BLK: variants seen among roughly 807,000 people sequenced by gnomAD.
BLK encodes tyrosine-protein kinase Blk.
Under a neutral mutation model 61.8 loss-of-function variants are expected in BLK, and 64 were observed. The ratio of observed to expected loss-of-function variants is 1.03; its 90% confidence interval spans 0.85 to 1.27. BLK has a LOEUF of 1.27. Ranked by LOEUF, BLK falls within the 50% of genes most tolerant of loss-of-function variation. BLK has a pLI of 0.00. For missense variants in BLK, 853 were observed against 660.5 expected, an observed-to-expected ratio of 1.29 and a Z score of -3.19; for synonymous variants, 351 against 272.0, an observed-to-expected ratio of 1.29 and a Z score of -2.86.
At chr8:11,511,039 G>C (rs1386953146) in intron 1 of BLK, among the ~76,000 whole-genome samples, 3 of 152,326 alleles carry the variant, frequency 2.0e-5, no homozygotes, top group African/African-American at 7.2e-5. Context: ...TTTGTGGTTA[G>C]TTAATTGTTC....
At chr8:11,507,721 G>A (rs1585326475) in intron 1 of BLK, among the ~76,000 whole-genome samples, 1 of 152,274 alleles carries the variant, frequency 6.6e-6, no homozygotes, top group East Asian at 1.9e-4. Context: ...CAGGCCTAGG[G>A]TGCAGATGAC....
chr8:11,495,250 G>A (rs530404346), intron 1 of BLK, among the ~76,000 whole-genome samples: 4 of 152,072 alleles, frequency 2.6e-5, no homozygotes, highest in Admixed American at 6.6e-5. Context: ...CTGGTAATGC[G>A]GGTGGATGAA....
At chr8:11,535,228 A>C (rs530883630) in intron 1 of BLK, among the ~76,000 whole-genome samples, 2 of 150,784 alleles carry the variant, frequency 1.3e-5, no homozygotes, top group African/African-American at 4.9e-5. Flanking sequence ...AGAGAAAGAA[A>C]GAAAAAGAAA....
intron 8 of BLK, chr8:11,556,316 CCAAGGAGTTAT>C: frequency 2.7e-6 from 1 of 373,448 alleles, no homozygotes; most frequent in Non-Finnish European, 5.2e-6. Flanking sequence ...CTTATTTCCA[CCAAGGAGTTAT>C]TGTGTGATAG....
intron 1 of BLK, among the ~76,000 whole-genome samples, chr8:11,529,887 C>A (rs992615360): frequency 6.6e-6 from 1 of 152,124 alleles, no homozygotes; most frequent in South Asian, 2.1e-4. Context: ...GTAGAACTGA[C>A]CTGAAGCCTC....
At chr8:11,539,696 G>A (rs1800288673) in intron 1 of BLK, among the ~76,000 whole-genome samples, 1 of 152,148 alleles carries the variant, frequency 6.6e-6, no homozygotes, top group Non-Finnish European at 1.5e-5. Context: ...CACACTCTGT[G>A]CCAGACATTG....
chr8:11,498,510 C>T (rs1280220476), intron 1 of BLK, among the ~76,000 whole-genome samples: 1 of 152,188 alleles, frequency 6.6e-6, no homozygotes, highest in African/African-American at 2.4e-5. Flanking sequence ...AATTTTCTCT[C>T]TCAGCGTGTT....
At chr8:11,559,032 G>A (rs1424912864) in intron 10 of BLK, 2 of 456,238 alleles carry the variant, frequency 4.4e-6, no homozygotes, top group Non-Finnish European at 8.8e-6. Context: ...AAACCCCAGG[G>A]CAGTGATAAG....
intron 1 of BLK, among the ~76,000 whole-genome samples, chr8:11,534,285 A>G (rs1800019424): frequency 6.6e-6 from 1 of 152,248 alleles, no homozygotes; most frequent in Non-Finnish European, 1.5e-5. Flanking sequence ...GTTAAGGCCC[A>G]TAGTCTCATC....
intron 1 of BLK, among the ~76,000 whole-genome samples, chr8:11,541,873 C>T (rs1800394786): frequency 6.6e-6 from 1 of 152,156 alleles, no homozygotes; most frequent in South Asian, 2.1e-4. Flanking sequence ...AACCCTGGCA[C>T]TATAATTCAC....
At chr8:11,528,294 C>T (rs746037225) in intron 1 of BLK, among the ~76,000 whole-genome samples, 1 of 152,124 alleles carries the variant, frequency 6.6e-6, no homozygotes, top group Non-Finnish European at 1.5e-5. Flanking sequence ...CCTTGGCCTC[C>T]CAAAGTGCTG....
chr8:11,538,003 C>A (rs1318169390), intron 1 of BLK, among the ~76,000 whole-genome samples: 1 of 152,152 alleles, frequency 6.6e-6, no homozygotes, highest in East Asian at 1.9e-4. Context: ...GCTGACTCCC[C>A]CGACTAGACA....
chr8:11,506,235 G>A (rs929938623), intron 1 of BLK, among the ~76,000 whole-genome samples: 1 of 152,244 alleles, frequency 6.6e-6, no homozygotes, highest in Non-Finnish European at 1.5e-5. Flanking sequence ...GCTTGAAGCT[G>A]TTTTATGTCC....
At chr8:11,559,811 G>C in intron 10 of BLK, 1 of 456,142 alleles carries the variant, frequency 2.2e-6, no homozygotes, top group Non-Finnish European at 4.4e-6. Context: ...ATCATCCATG[G>C]CTCAAGCGTA....
chr8:11,497,494 C>G (rs548993455), intron 1 of BLK, among the ~76,000 whole-genome samples: 2 of 152,182 alleles, frequency 1.3e-5, no homozygotes, highest in Admixed American at 6.5e-5. Flanking sequence ...ACACCCAGGG[C>G]TCTGGTTTGC....
Position 11,554,792 on chromosome 8 carries a change from C to G in BLK, c.522C>G (p.Ile174Met), listed in dbSNP as rs1450371901. The change falls in exon 7 of 13, where the codon ATC becomes ATG. Residue 174 changes from isoleucine to methionine, a missense_variant. By Grantham distance (10) the Ile-to-Met change is conservative. Transcript: ENST00000259089. The part of the protein sequence containing the change: ...VKDVTTQGEL[I>M]KHYKIRCLDE... ...ATGTCACCACCCAGGGGGAGCTGAT[C>G]AAGCACTATAAGATCCGCTGCCTGG... 6.2e-6 allele frequency: 10 copies of G among 1,614,068 alleles called. No individual in the cohort carries two copies. The highest frequency in any genetic ancestry group is 2.2e-5 in the South Asian group (2 of 91,084).
chr8:11,528,089 T>C (rs948194273), intron 1 of BLK, among the ~76,000 whole-genome samples: 1 of 151,992 alleles, frequency 6.6e-6, no homozygotes, highest in African/African-American at 2.4e-5. Context: ...GAGGCTGGAG[T>C]TCAATGGCGT....
At chr8:11,510,053 C>T (rs1049617899) in intron 1 of BLK, among the ~76,000 whole-genome samples, 1 of 152,080 alleles carries the variant, frequency 6.6e-6, no homozygotes, top group African/African-American at 2.4e-5. Context: ...TCAGGTGTTT[C>T]GTTTGCTTCC....
chr8:11,563,500 C>T (rs966973977), intron 12 of BLK, among the ~76,000 whole-genome samples: 1 of 152,224 alleles, frequency 6.6e-6, no homozygotes, highest in Admixed American at 6.5e-5. Flanking sequence ...AGCCCCCAGC[C>T]CCAGTCGAAG....
Sources: allele counts gnomAD v4.1 joint callset (sites outside exome capture counted in the v4.1 genomes callset), GRCh38; gene constraint gnomAD v4.1.1; transcripts MANE v1.5; gene names NCBI Gene and HGNC (gene_info 2026-07-23, HGNC 2026-07-21).